APOL4: variants seen among roughly 807,000 people sequenced by gnomAD.
APOL4 encodes the protein apolipoprotein L, 4.
Under a neutral mutation model 12.1 loss-of-function variants are expected in APOL4, and 14 were observed. That is an observed-to-expected ratio of 1.16 (90% confidence interval 0.76 to 1.81). The LOEUF (loss-of-function observed/expected upper bound fraction) is 1.81. Ranked by LOEUF, APOL4 falls within the 40% of genes most tolerant of loss-of-function variation. The pLI, the probability that APOL4 is intolerant of heterozygous loss-of-function variation, is 0.00. For synonymous variants in APOL4, 171 were observed against 160.6 expected (o/e 1.06, Z -0.49); for missense variants, 432 against 423.1 (o/e 1.02, Z -0.18).
intron 1 of APOL4, 66 bp downstream of exon 1, chr22:36,201,634 T>G (rs132733): frequency 0.18 from 156,760 of 891,364 alleles, 48,440 homozygotes; most frequent in East Asian, 0.91. Context: ...CATGAGCCAG[T>G]AGAACTGGGA....
At chr22:36,202,031 C>G (rs773816112), upstream of APOL4, 2 of 1,614,174 alleles carry the variant, frequency 1.2e-6, no homozygotes, top group Non-Finnish European at 1.7e-6. Flanking sequence ...AAGCAGCTCC[C>G]TCCATGTCGC....
Position 36,193,162 on chromosome 22 carries a change from T to A in APOL4, c.210-1250A>T, listed in dbSNP as rs377148413. The stretch of plus-strand genomic sequence containing the variant: ...CTGTCTGACCTGCCTTTAGGGAGCA[T>A]CCTGTTAGGCCAGTTTAGCAGGAAC... On this transcript the variant is annotated intron_variant, in intron 3 of 3. Coordinates refer to ENST00000683024, the MANE Select transcript of APOL4 (RefSeq NM_001386885.1). Among the ~76,000 whole-genome samples, 124 of 152,268 alleles carry A rather than the reference T, an allele frequency of 8.1e-4. No individual in the cohort carries two copies. In the South Asian group the frequency reaches 0.023, roughly 28 times the overall value.
At chr22:36,202,712 C>T (rs980949652), upstream of APOL4, among the ~76,000 whole-genome samples, 2 of 148,688 alleles carry the variant, frequency 1.3e-5, no homozygotes, top group South Asian at 2.1e-4. Flanking sequence ...GGCAACAGAG[C>T]GAGACTCCAT....
At chr22:36,204,481 A>G, upstream of APOL4, 1 of 203,682 alleles carries the variant, frequency 4.9e-6, no homozygotes. Context: ...CTGGGTGCAA[A>G]TCCCGGCTCT....
Position 36,199,583 on chromosome 22 carries a change from T to C in APOL4, c.36-207A>G, listed in dbSNP as rs1264864511. ...ATTCCAGCTCCCTCTTCCCTCACTC[T>C]CACACCAAGGAAAAGTCCGCTTGTC... is the stretch of plus-strand genomic sequence containing the variant. On this transcript the variant is annotated intron_variant, in intron 1 of 3. Transcript: ENST00000683024. 4 of 1,560,150 alleles carry C rather than the reference T, an allele frequency of 2.6e-6. No homozygotes were observed. In the East Asian group the frequency reaches 9.6e-5, roughly 37 times the overall value.
At chr22:36,196,701 C>A (rs538671380) in intron 2 of APOL4, among the ~76,000 whole-genome samples, 2 of 152,218 alleles carry the variant, frequency 1.3e-5, no homozygotes, top group East Asian at 1.9e-4. Flanking sequence ...TGTGCTCATA[C>A]GTGCGAGGCC....
intron 3 of APOL4, among the ~76,000 whole-genome samples, chr22:36,194,793 G>A (rs2014357176): frequency 6.6e-6 from 1 of 152,084 alleles, no homozygotes; most frequent in Non-Finnish European, 1.5e-5. Context: ...CAGGAAAAGG[G>A]CCCCAGACAG....
intron 1 of APOL4, among the ~76,000 whole-genome samples, chr22:36,200,053 C>T (rs1175244032): frequency 7.9e-5 from 12 of 151,422 alleles, no homozygotes; most frequent in South Asian, 2.1e-4. Context: ...ATGATCAGCC[C>T]GTCTCGGCCT....
chr22:36,202,486 G>A (rs1411073018), upstream of APOL4, among the ~76,000 whole-genome samples: 1 of 152,182 alleles, frequency 6.6e-6, no homozygotes, highest in East Asian at 1.9e-4. Flanking sequence ...CCAGCACTTT[G>A]GGAGGCCGAG....
At chr22:36,201,595 C>A (rs1192583461) in intron 1 of APOL4, 105 bp downstream of exon 1, 17 of 1,097,384 alleles carry the variant, frequency 1.5e-5, no homozygotes, top group Non-Finnish European at 2.0e-5. Flanking sequence ...ACTGTGTGAC[C>A]CCCTAGGCCA....
At chr22:36,199,558 A>C (rs146568971) in intron 1 of APOL4, 182 bp from the exon 2 acceptor site, 11 of 1,572,774 alleles carry the variant, frequency 7.0e-6, no homozygotes, top group Middle Eastern at 1.7e-4. Context: ...CACTCAACTC[A>C]TTCCAGCTCC....
At chr22:36,192,757 G>A (rs372976096) in intron 3 of APOL4, among the ~76,000 whole-genome samples, 37 of 152,318 alleles carry the variant, frequency 2.4e-4, no homozygotes, top group East Asian at 9.6e-4. Flanking sequence ...AATGTGATGG[G>A]TGATGGGCGT....
rs756205914 is a variant in APOL4, at chr22:36,201,677, G to A, written c.35+23C>T. The A allele has an allele frequency of 8.8e-6, 14 of 1,596,448 alleles. No individual in the cohort carries two copies. The Admixed American group carries it at 2.2e-4, about 26-fold the overall frequency. ...GAGAGAGCAGAGGAGCAGGAGGGCA[G>A]AGAGCTGGGGCCTCGGACTCACCCG... is the stretch of plus-strand genomic sequence containing the variant. On this transcript the variant is annotated intron_variant, in intron 1 of 3. Coordinates refer to ENST00000683024, the MANE Select transcript of APOL4 (RefSeq NM_001386885.1).
chr22:36,199,191 C>G (rs1279571338), intron 2 of APOL4, 139 bp downstream of exon 2: 2 of 1,204,288 alleles, frequency 1.7e-6, no homozygotes, highest in East Asian at 2.3e-5. Flanking sequence ...CTTGGGGCAG[C>G]CTCATCAGCC....
upstream of APOL4, among the ~76,000 whole-genome samples, chr22:36,204,171 T>A (rs2014663991): frequency 6.6e-6 from 1 of 152,048 alleles, no homozygotes; most frequent in Non-Finnish European, 1.5e-5. Flanking sequence ...TCAAAAGAAA[T>A]CTCTTGCCTC....
At position 36,191,301 on chromosome 22, in the gene APOL4, G is replaced by A. The variant is rs1179878282; in HGVS notation, c.821C>T (p.Thr274Ile). The A allele has an allele frequency of 3.7e-6, 6 of 1,614,056 alleles. No homozygotes were observed. The highest frequency in any genetic ancestry group is 2.2e-5 in the East Asian group (1 of 44,890). The change falls in exon 4 of 4, where the codon ACA (threonine) becomes ATA (isoleucine). Residue 274 changes from threonine (T) to isoleucine (I), a missense_variant. Physicochemically the swap from Thr to Ile is moderately conservative, Grantham distance 89. Transcript: ENST00000683024. ...CACTATCCGGGTGGGGGCCCCACGT[G>A]TTCTCAGTGTCTCAACAACATTTAT... is the stretch of plus-strand genomic sequence containing the variant. ...VPINVVETLR[T>I]RGAPTRIVRK...
At chr22:36,197,770 A>T in intron 2 of APOL4, 1 of 1,550,506 alleles carries the variant, frequency 6.4e-7, no homozygotes, top group Non-Finnish European at 8.7e-7. Context: ...CACATAATGG[A>T]CACAGAAGGA....
chr22:36,196,984 G>A (rs1455118648), intron 2 of APOL4, among the ~76,000 whole-genome samples: 13 of 152,154 alleles, frequency 8.5e-5, no homozygotes, highest in Admixed American at 8.5e-4. Flanking sequence ...AGGTGGGCAG[G>A]GGAGTGGGAC....
upstream of APOL4, chr22:36,204,697 G>C: frequency 1.9e-6 from 1 of 513,232 alleles, no homozygotes; most frequent in South Asian, 2.8e-5. Context: ...CTCACCTCCA[G>C]CTGTGCACCT....
Sources: allele counts gnomAD v4.1 joint callset (sites outside exome capture counted in the v4.1 genomes callset), GRCh38; gene constraint gnomAD v4.1.1; transcripts MANE v1.5; gene names NCBI Gene and HGNC (gene_info 2026-07-23, HGNC 2026-07-21).